Variants in BBOF1 observed in about 807,000 individuals in gnomAD.
BBOF1 encodes basal body orientation factor 1.
In BBOF1, 62 loss-of-function variants were observed where a neutral mutation model predicts 68.0. That is an observed-to-expected ratio of 0.91 (90% confidence interval 0.74 to 1.13). The LOEUF is 1.13. BBOF1 is among the 50% of genes most tolerant of loss of function. The probability of loss-of-function intolerance (pLI) is 0.00; values close to 1 mark genes in which losing one functional copy is unlikely to be tolerated. For synonymous variants in BBOF1, 208 were observed against 198.8 expected, an observed-to-expected ratio of 1.05 and a Z score of -0.39; for missense variants, 534 against 600.1, an observed-to-expected ratio of 0.89 and a Z score of 1.15.
intron 8 of BBOF1, among the ~76,000 whole-genome samples, chr14:74,053,302 G>A (rs1034946835): frequency 4.7e-5 from 7 of 149,956 alleles, no homozygotes; most frequent in East Asian, 4.1e-4. Context: ...TAGTAGAGAC[G>A]GGGTTTCACC....
rs2060028352 is a variant in BBOF1, at chr14:74,049,886, T to C, written c.977T>C (p.Val326Ala). ...ATGATAGAGAACCAAGCAGGTCAGG[T>C]AGAAATTGACAAGCTGCAGCACCTT... ...HAMIENQAGQ[V>A]EIDKLQHLLQ... is the part of the protein sequence containing the mutation. Residue 326 changes from valine (V) to alanine (A), a missense_variant, in exon 8 of 12, where the codon GTA (valine) becomes GCA (alanine). Coordinates refer to ENST00000394009, the MANE Select transcript of BBOF1 (RefSeq NM_025057.3). 6.2e-7 allele frequency: 1 copy of C among 1,614,016 alleles called. No homozygotes were observed. Among genetic ancestry groups the C allele is most frequent in the Middle Eastern group, 1.6e-4 (1 of 6,062 alleles).
Position 74,040,562 on chromosome 14 carries a change from T to C in BBOF1, c.496-3T>C. On this transcript the variant is annotated splice_region_variant and splice_polypyrimidine_tract_variant and intron_variant, in intron 4 of 11. Transcript: ENST00000394009. ...TTTTGTTTGTTTGTTATTTTAATTTTAGCTGAAAGAGAATTTAAGAAACAC... is the reference window on the plus strand; with the variant it reads ...TTTTGTTTGTTTGTTATTTTAATTTCAGCTGAAAGAGAATTTAAGAAACAC... The C allele has an allele frequency of 1.3e-6, 2 of 1,558,186 alleles. No individual in the cohort carries two copies. The highest frequency in any genetic ancestry group is 1.7e-6 in the Non-Finnish European group (2 of 1,155,092).
At chr14:74,036,954 CTTTTTTTTTTTCTTTTTTCT>C (rs1157235470) in intron 4 of BBOF1, among the ~76,000 whole-genome samples, 73 of 129,468 alleles carry the variant, frequency 5.6e-4, no homozygotes, top group African/African-American at 1.9e-3. Context: ...AAAATATTAT[CTTTTTTTTTTTCTTTTTTCT>C]TTTTTTTTTT....
chr14:74,023,381 A>G (rs960228657), intron 2 of BBOF1, among the ~76,000 whole-genome samples: 1 of 152,312 alleles, frequency 6.6e-6, no homozygotes, highest in South Asian at 2.1e-4. Flanking sequence ...ACAGAGATTG[A>G]TGATCATAAG....
intron 9 of BBOF1, among the ~76,000 whole-genome samples, chr14:74,077,976 T>C (rs1291119668): frequency 6.6e-6 from 1 of 152,198 alleles, no homozygotes; most frequent in Non-Finnish European, 1.5e-5. Context: ...CACGGTGATT[T>C]CTGCCTGTAG....
intron 7 of BBOF1, among the ~76,000 whole-genome samples, chr14:74,048,771 G>A (rs986546582): frequency 1.3e-5 from 2 of 152,120 alleles, no homozygotes; most frequent in African/African-American, 4.8e-5. Flanking sequence ...AATGAAGTTG[G>A]GGTTTTATTA....
At position 74,019,553 on chromosome 14, in the gene BBOF1, A is replaced by T. The variant is rs764366670; in HGVS notation, c.56+19A>T. On this transcript the variant is annotated intron_variant, in intron 1 of 11. Coordinates refer to ENST00000394009, the MANE Select transcript of BBOF1 (RefSeq NM_025057.3). ...ACACGAAGTAAGGAGAAGCCACCCG[A>T]GAGTCCCCTCTCCCTGGGCCTGCCT... 1.9e-6 allele frequency: 3 copies of T among 1,583,244 alleles called. No individual in the cohort carries two copies. The highest frequency in any genetic ancestry group is 1.8e-5 in the Admixed American group (1 of 55,056).
chr14:74,052,194 A>G (rs1033373305), intron 8 of BBOF1, among the ~76,000 whole-genome samples: 1 of 151,740 alleles, frequency 6.6e-6, no homozygotes, highest in Non-Finnish European at 1.5e-5. Context: ...AGTGTTATAC[A>G]TTTTCAGAGG....
intron 5 of BBOF1, among the ~76,000 whole-genome samples, chr14:74,043,501 G>C (rs1359751537): frequency 7.6e-6 from 1 of 131,656 alleles, no homozygotes; most frequent in African/African-American, 2.8e-5. Flanking sequence ...AGTGAGCCGA[G>C]ATTGCGCCAC....
intron 9 of BBOF1, among the ~76,000 whole-genome samples, chr14:74,056,198 A>ATTTTTTT (rs34594924): frequency 1.6e-5 from 2 of 123,932 alleles, no homozygotes; most frequent in Admixed American, 8.9e-5. Flanking sequence ...CGCCCGGCTA[A>ATTTTTTT]TTTTTTTTTT....
chr14:74,066,236 T>C, downstream of BBOF1: 1 of 205,312 alleles, frequency 4.9e-6, no homozygotes, highest in Non-Finnish European at 1.0e-5. Flanking sequence ...TGGCAAACTA[T>C]AGCCTGTGGG....
rs777963786 is a variant in BBOF1 at position 74,019,501 on chromosome 14, AAAAG to A, written c.28_31del (p.Lys10AlafsTer11). Reference sequence around the variant, plus strand: ...AAGATGCCGTCGAAGGGAAAGGACAAAAAGAAAGGCAAGAGCAAAGGCAAAGACA... The same window carrying A: ...AAGATGCCGTCGAAGGGAAAGGACAAAAAGGCAAGAGCAAAGGCAAAGACA... On this transcript the variant is annotated frameshift_variant, in exon 1 of 12. Transcript: ENST00000394009. LOFTEE classifies it high-confidence loss of function. 2.6e-5 allele frequency: 42 copies of A among 1,606,038 alleles called. No homozygotes were observed. The African/African-American group carries it at 5.4e-4, about 20-fold the overall frequency.
chr14:74,053,051 A>G (rs780911157), intron 8 of BBOF1, among the ~76,000 whole-genome samples: 2 of 152,034 alleles, frequency 1.3e-5, no homozygotes, highest in Non-Finnish European at 2.9e-5. Flanking sequence ...AATAAATAAA[A>G]TAAATTTTTT....
chr14:74,064,799 A>G lies in BBOF1; in HGVS notation c.*100A>G, dbSNP rs746151782. On this transcript the variant is annotated 3_prime_UTR_variant, in exon 12 of 12. Transcript: ENST00000394009. ...AAGAAAATTTCTTAAAGGAAAAGACAAAAAATTTAACTCAAAAGTTACCTG... is the reference window on the plus strand; with the variant it reads ...AAGAAAATTTCTTAAAGGAAAAGACGAAAAATTTAACTCAAAAGTTACCTG... 51 of 1,613,096 alleles carry G rather than the reference A, an allele frequency of 3.2e-5. No homozygotes were observed. The highest frequency in any genetic ancestry group is 4.2e-5 in the Non-Finnish European group (49 of 1,179,146).
At chr14:74,021,177 G>A (rs941244304) in intron 1 of BBOF1, among the ~76,000 whole-genome samples, 26 of 152,148 alleles carry the variant, frequency 1.7e-4, no homozygotes, top group Non-Finnish European at 3.1e-4. Flanking sequence ...AAGGGGGAGT[G>A]TTTTGTTAAT....
At chr14:74,063,495 A>G (rs527599579) in intron 11 of BBOF1, among the ~76,000 whole-genome samples, 1 of 151,944 alleles carries the variant, frequency 6.6e-6, no homozygotes, top group Non-Finnish European at 1.5e-5. Context: ...AATAGTGATA[A>G]TTCAGTCCTT....
chr14:74,067,212 A>T (rs1387653131), downstream of BBOF1, among the ~76,000 whole-genome samples: 1 of 151,398 alleles, frequency 6.6e-6, no homozygotes, highest in African/African-American at 2.4e-5. Context: ...CCTGTGCTTT[A>T]AAAAAAAAGA....
rs1269955167 is a variant in BBOF1, at chr14:74,019,423, G to A, written c.-56G>A. ...TCCCGGTTCCCTTGGAGACAGAGCT[G>A]GCCAGGGCGGCCGCGGCTGGGCAAC... is the stretch of plus-strand genomic sequence containing the variant. On this transcript the variant is annotated 5_prime_UTR_variant, in exon 1 of 12. Transcript: ENST00000394009. 5 of 1,568,160 alleles carry A rather than the reference G, an allele frequency of 3.2e-6. 1 individual carries two copies. Among genetic ancestry groups the A allele is most frequent in the South Asian group, 2.3e-5 (2 of 85,632 alleles).
chr14:74,074,412 G>C (rs554321827), intron 9 of BBOF1, among the ~76,000 whole-genome samples: 269 of 151,700 alleles, frequency 1.8e-3, no homozygotes, highest in African/African-American at 6.1e-3. Context: ...TCAGCCCGCA[G>C]AGTAGCTGGG....
Sources: gnomAD v4.1 joint callset for allele counts (sites outside exome capture counted in the v4.1 genomes callset) on GRCh38, gnomAD v4.1.1 for gene constraint, MANE v1.5 for transcripts, NCBI Gene and HGNC (gene_info 2026-07-23, HGNC 2026-07-21) for gene names.